The following NAV2 variants were observed in gnomAD, a reference collection of about 807,000 sequenced individuals.
The protein encoded by NAV2 is helicase, APC down-regulated 1.
A neutral mutation model predicts 223.2 loss-of-function variants in NAV2; 54 were observed. That is an observed-to-expected ratio of 0.24 (90% CI 0.19 to 0.30). The LOEUF (loss-of-function observed/expected upper bound fraction) is 0.30, where lower values mean the gene tolerates loss of function less well. NAV2 is among the 10% of genes least tolerant of loss of function. NAV2 has a pLI of 1.00. For synonymous variants in NAV2, 1,279 were observed against 1,239.3 expected (o/e 1.03, Z -0.67); for missense variants, 2,806 against 3,147.5 (o/e 0.89, Z 2.60).
At chr11:19,840,533 G>A (rs1467972814) in intron 2 of NAV2, among the ~76,000 whole-genome samples, 2 of 152,188 alleles carry the variant, frequency 1.3e-5, no homozygotes. Context: ...TGGCCATCAT[G>A]AGTATCCATT....
intron 1 of NAV2, among the ~76,000 whole-genome samples, chr11:19,664,531 C>A (rs184464688): frequency 6.6e-6 from 1 of 152,148 alleles, no homozygotes; most frequent in Non-Finnish European, 1.5e-5. Context: ...AAGCACCAAG[C>A]CAATATGGTG....
chr11:19,536,208 G>A (rs2044184798), intron 1 of NAV2, among the ~76,000 whole-genome samples: 1 of 152,300 alleles, frequency 6.6e-6, no homozygotes, highest in South Asian at 2.1e-4. Flanking sequence ...AGAAGAGAAA[G>A]CCAAGCCTTA....
chr11:20,056,621 T>C, intron 19 of NAV2: 1 of 1,608,160 alleles, frequency 6.2e-7, no homozygotes, highest in South Asian at 1.1e-5. Flanking sequence ...ACGCAAGGTA[T>C]GAGTTAGGTG....
intron 1 of NAV2, among the ~76,000 whole-genome samples, chr11:19,633,206 C>T (rs776089660): frequency 6.6e-6 from 1 of 152,166 alleles, no homozygotes; most frequent in Non-Finnish European, 1.5e-5. Context: ...CATCCCAGGA[C>T]TTTTGCCTTC....
intron 1 of NAV2, among the ~76,000 whole-genome samples, chr11:19,706,811 T>G (rs1244941975): frequency 6.6e-6 from 1 of 152,228 alleles, no homozygotes; most frequent in East Asian, 1.9e-4. Flanking sequence ...TTCTGAGAAA[T>G]GAGTCTTTAG....
At chr11:19,448,658 C>T (rs1246136660) in intron 1 of NAV2, among the ~76,000 whole-genome samples, 2 of 152,238 alleles carry the variant, frequency 1.3e-5, no homozygotes, top group African/African-American at 4.8e-5. Flanking sequence ...CCTAACCTCT[C>T]TGATTCTGAG....
intron 1 of NAV2, among the ~76,000 whole-genome samples, chr11:19,748,290 A>T (rs1161460447): frequency 6.6e-6 from 1 of 152,168 alleles, no homozygotes; most frequent in Non-Finnish European, 1.5e-5. Flanking sequence ...GTAACCAAGG[A>T]TTGCAGAGTT....
chr11:19,406,767 C>T (rs11025122), intron 1 of NAV2, among the ~76,000 whole-genome samples: 12,552 of 152,148 alleles, frequency 0.082, 855 homozygotes, highest in East Asian at 0.39. Flanking sequence ...GCTTAGTTCC[C>T]GGCCCTTGAA....
rs199689475 is a variant in NAV2 at position 20,118,177 on chromosome 11, C to A, written c.7209C>A (p.Ser2403Arg). 4.3e-6 allele frequency: 7 copies of A among 1,614,028 alleles called. No individual in the cohort carries two copies. Among genetic ancestry groups the A allele is most frequent in the Non-Finnish European group, 5.9e-6 (7 of 1,179,924 alleles). ...TGCAGGAGGCAGCCAACTACTCCAG[C>A]CCCCAGAGCTATGACAGCGACTCCA... The part of the protein sequence containing the change: ...MRLQEAANYS[S>R]PQSYDSDSNS... Residue 2403 changes from serine (S) to arginine (R), a missense_variant, in exon 38 of 38, where the codon AGC becomes AGA. This residue lies in a region of NAV2 where 824 missense variants were observed against 1,069.4 expected (regional missense o/e 0.77). Transcript: ENST00000349880.
chr11:19,665,959 T>A (rs1565150579), intron 1 of NAV2, among the ~76,000 whole-genome samples: 1 of 152,186 alleles, frequency 6.6e-6, no homozygotes, highest in Non-Finnish European at 1.5e-5. Context: ...ATCATCGTCA[T>A]CACTATCATT....
rs141887895 is a variant in NAV2, at chr11:19,368,039, G to A, written c.75+17012G>A. ...AATAGGCAATTAGATTTTCCCAAAGGCCAGATTTGGGGATCAGAAGGGCAG... is the reference window on the plus strand; with the variant it reads ...AATAGGCAATTAGATTTTCCCAAAGACCAGATTTGGGGATCAGAAGGGCAG... On this transcript the variant is annotated intron_variant, in intron 1 of 37. Coordinates refer to the NAV2 transcript ENST00000360655. 6.8e-4 allele frequency among the ~76,000 whole-genome samples: 103 copies of A among 152,312 alleles called. 1 individual carries two copies. Among genetic ancestry groups the A allele is most frequent in the African/African-American group, 2.4e-3 (98 of 41,562 alleles).
At chr11:20,061,297 C>T (rs761021929) in intron 19 of NAV2, among the ~76,000 whole-genome samples, 3 of 151,876 alleles carry the variant, frequency 2.0e-5, no homozygotes, top group Non-Finnish European at 2.9e-5. Flanking sequence ...TGGCCGGGCG[C>T]GGTGGCTCAT....
intron 11 of NAV2, among the ~76,000 whole-genome samples, chr11:19,993,749 G>A (rs7107480): frequency 9.5e-4 from 144 of 152,340 alleles, no homozygotes; most frequent in African/African-American, 3.4e-3. Flanking sequence ...GTAGATGAAG[G>A]AACATAATAG....
At chr11:19,549,739 G>A (rs1023871783) in intron 1 of NAV2, among the ~76,000 whole-genome samples, 14 of 152,244 alleles carry the variant, frequency 9.2e-5, no homozygotes, top group Non-Finnish European at 1.6e-4. Context: ...GGTCTCAATC[G>A]TGATACAGCG....
intron 1 of NAV2, among the ~76,000 whole-genome samples, chr11:19,535,098 G>A (rs555631582): frequency 3.9e-4 from 60 of 152,302 alleles, no homozygotes; most frequent in Admixed American, 3.9e-3. Flanking sequence ...AGCAAATGAA[G>A]GACATGATAG....
At chr11:19,623,410 C>T (rs923062398) in intron 1 of NAV2, among the ~76,000 whole-genome samples, 14 of 152,172 alleles carry the variant, frequency 9.2e-5, no homozygotes, top group Admixed American at 2.0e-4. Context: ...ACCAATCAGA[C>T]GTAGATTTGG....
chr11:19,877,597 T>G (rs1015524857), intron 4 of NAV2, among the ~76,000 whole-genome samples: 2 of 151,086 alleles, frequency 1.3e-5, no homozygotes, highest in Non-Finnish European at 2.9e-5. Context: ...CTCAGCCTCC[T>G]GAGTAGCTGG....
At chr11:19,491,943 T>C (rs559572481) in intron 1 of NAV2, among the ~76,000 whole-genome samples, 115 of 132,744 alleles carry the variant, frequency 8.7e-4, no homozygotes, top group African/African-American at 3.0e-3. Flanking sequence ...TCTCAGGGAA[T>C]AGGGAGACTC....
intron 1 of NAV2, among the ~76,000 whole-genome samples, chr11:19,564,654 T>TAATCGAGAGCCAAGAGTC (rs59865805): frequency 0.079 from 12,088 of 152,142 alleles, 1,543 homozygotes; most frequent in African/African-American, 0.27. Context: ...ACCTGCCCTC[T>TAATCGAGAGCCAAGAGTC]AGTTCCCTTC....
Sources: gnomAD v4.1 joint callset for allele counts (sites outside exome capture counted in the v4.1 genomes callset) on GRCh38, gnomAD v4.1.1 for gene constraint, gnomAD v4.1.1 regional missense constraint, MANE v1.5 for transcripts, NCBI Gene and HGNC (gene_info 2026-07-23, HGNC 2026-07-21) for gene names.